Variants in DNAJC17 observed in about 807,000 individuals in gnomAD.
The protein encoded by DNAJC17 is DnaJ heat shock protein family (Hsp40) member C17, also known as dnaJ homolog subfamily C member 17.
Under a neutral mutation model 48.1 loss-of-function variants are expected in DNAJC17, and 35 were observed. That is an observed-to-expected ratio of 0.73 (90% CI 0.56 to 0.96). DNAJC17 has a LOEUF of 0.96. Ranked by LOEUF, DNAJC17 falls within the 50% of genes least tolerant of loss-of-function variation. The pLI is 0.00. For synonymous variants in DNAJC17, 117 were observed against 142.7 expected, an observed-to-expected ratio of 0.82 and a Z score of 1.28; for missense variants, 355 against 377.1, an observed-to-expected ratio of 0.94 and a Z score of 0.48.
rs528428681 is a variant in DNAJC17, at chr15:40,797,994, T to G, written c.78+9375A>C. Among the ~76,000 whole-genome samples the G allele has an allele frequency of 2.0e-5, 3 of 152,234 alleles. No individual in the cohort carries two copies. The South Asian group carries it at 6.2e-4, about 32-fold the overall frequency. On this transcript the variant is annotated intron_variant, in intron 1 of 10. Transcript: ENST00000220496. ...CCCTTGGCCTCCCAAAGTGCTGGGA[T>G]TACAGGTATGAGCCACCACACCTGG...
In DNAJC17 at chr15:40,765,584, T is replaced by C; in HGVS notation, c.*2356A>G. 1 of 328,600 alleles carries C rather than the reference T, an allele frequency of 3.0e-6. No individual in the cohort carries two copies. The highest frequency in any genetic ancestry group is 5.5e-6 in the Non-Finnish European group (1 of 181,524). The allele number at this position is 328,600 out of a possible 1,614,324, so 20.4% of individuals were successfully genotyped here. On this transcript the variant is annotated 3_prime_UTR_variant, in exon 11 of 11. Coordinates refer to ENST00000220496, the MANE Select transcript of DNAJC17 (RefSeq NM_018163.3). ...CTCAGTAGCTGGAACTATAGGCTCG[T>C]GATACTTTGCCTGGCTAAAGCTGAG... is the stretch of plus-strand genomic sequence containing the variant.
chr15:40,802,737 G>A (rs557780160), intron 1 of DNAJC17, among the ~76,000 whole-genome samples: 2 of 152,062 alleles, frequency 1.3e-5, no homozygotes, highest in South Asian at 2.1e-4. Context: ...CACCTTCTCC[G>A]AGCTGCAGTT....
chr15:40,782,834 C>A (rs1385297531), intron 1 of DNAJC17, among the ~76,000 whole-genome samples: 2 of 152,078 alleles, frequency 1.3e-5, no homozygotes, highest in Non-Finnish European at 1.5e-5. Context: ...AGCCAGGGCA[C>A]CTGCCATGGC....
chr15:40,800,129 G>A (rs1368001393), intron 1 of DNAJC17, among the ~76,000 whole-genome samples: 5 of 152,220 alleles, frequency 3.3e-5, no homozygotes, highest in Admixed American at 1.3e-4. Context: ...CTGGAGTGCA[G>A]TGGCACGATT....
intron 10 of DNAJC17, chr15:40,772,309 C>G (rs1198770272): frequency 6.0e-6 from 1 of 167,130 alleles, no homozygotes; most frequent in East Asian, 1.9e-4. Flanking sequence ...CCCCGGGACT[C>G]GCTAAGAGTA....
Position 40,770,918 on chromosome 15 carries a change from C to T in DNAJC17, c.792+2809G>A, listed in dbSNP as rs1596072854. On this transcript the variant is annotated intron_variant, in intron 10 of 10. Coordinates refer to ENST00000220496, the MANE Select transcript of DNAJC17 (RefSeq NM_018163.3). This position sits in a 1 kb window ranked among gnomAD's most constrained non-coding sequence, Gnocchi z 5.0. ...GCTTCCAGAGGACACCTACCCCAGA[C>T]CTCAGTGATCCCTTCCTCTCCTTCA... 6.4e-7 allele frequency: 1 copy of T among 1,551,554 alleles called. No homozygotes were observed. Among genetic ancestry groups the T allele is most frequent in the Non-Finnish European group, 8.7e-7 (1 of 1,147,002 alleles).
chr15:40,766,021 C>G lies in DNAJC17; in HGVS notation c.*1919G>C. 1.9e-6 allele frequency: 1 copy of G among 527,186 alleles called. No individual in the cohort carries two copies. Among genetic ancestry groups the G allele is most frequent in the Non-Finnish European group, 3.3e-6 (1 of 299,784 alleles). 32.7% of individuals were successfully genotyped at this position (527,186 alleles called of 1,614,324 possible). On this transcript the variant is annotated 3_prime_UTR_variant, in exon 11 of 11. Transcript: ENST00000220496. Reference sequence around the variant, plus strand: ...CAAGCCCAGGGACAGGGCCCAGCATCAGAGCCCCCTGCCTGCATCCTGGGG... The same window carrying G: ...CAAGCCCAGGGACAGGGCCCAGCATGAGAGCCCCCTGCCTGCATCCTGGGG...
intron 1 of DNAJC17, among the ~76,000 whole-genome samples, chr15:40,806,899 C>T (rs1890246011): frequency 7.1e-6 from 1 of 139,910 alleles, no homozygotes; most frequent in Non-Finnish European, 1.6e-5. Flanking sequence ...GCAGGGTCAT[C>T]GGTCACATTG....
At chr15:40,792,504 A>G (rs1234713414) in intron 1 of DNAJC17, 2 of 985,304 alleles carry the variant, frequency 2.0e-6, no homozygotes, top group African/African-American at 3.5e-5. Flanking sequence ...AATGAAAGGT[A>G]AGGCTGCTAC....
chr15:40,767,340 C>T lies in DNAJC17; in HGVS notation c.*600G>A. The T allele has an allele frequency of 6.3e-7, 1 of 1,599,720 alleles. No individual in the cohort carries two copies. Among genetic ancestry groups the T allele is most frequent in the Non-Finnish European group, 8.5e-7 (1 of 1,174,258 alleles). On this transcript the variant is annotated 3_prime_UTR_variant, in exon 11 of 11. Coordinates refer to ENST00000220496, the MANE Select transcript of DNAJC17 (RefSeq NM_018163.3). ...GCCAGACGCTGGTGTGGTGTCTGCA[C>T]AAGGAGTGACCTTCTCATGCTGATT...
chr15:40,778,191 TAA>T (rs1051632130), intron 4 of DNAJC17, among the ~76,000 whole-genome samples: 20 of 141,610 alleles, frequency 1.4e-4, no homozygotes, highest in African/African-American at 1.3e-4. Flanking sequence ...CGTCTTTCTT[TAA>T]AAAAAAAAAA....
Position 40,770,639 on chromosome 15 carries a change from C to T in DNAJC17, c.793-2577G>A, listed in dbSNP as rs557357828. 1.7e-3 allele frequency: 2,595 copies of T among 1,550,374 alleles called. 2 individuals carry two copies. The highest frequency in any genetic ancestry group is 3.6e-3 in the Admixed American group (183 of 51,014). On this transcript the variant is annotated intron_variant, in intron 10 of 10. Transcript: ENST00000220496. The surrounding 1 kb of genome is among the most constrained non-coding windows in gnomAD (Gnocchi z 5.0). ...GTGGGGACCACGAGGAGTACAGCAACCGAGAAGTCATCCGGGAGCTACAAG... is the reference window on the plus strand; with the variant it reads ...GTGGGGACCACGAGGAGTACAGCAATCGAGAAGTCATCCGGGAGCTACAAG...
At chr15:40,800,382 A>C (rs1055486475) in intron 1 of DNAJC17, among the ~76,000 whole-genome samples, 1 of 151,820 alleles carries the variant, frequency 6.6e-6, no homozygotes, top group African/African-American at 2.4e-5. Flanking sequence ...CATGGTTTTG[A>C]TCTGCATTTA....
chr15:40,783,981 T>A, intron 1 of DNAJC17, among the ~76,000 whole-genome samples: 1 of 151,294 alleles, frequency 6.6e-6, no homozygotes, highest in East Asian at 2.0e-4. Flanking sequence ...AATCCCAGCA[T>A]TTTGGGAGGC....
chr15:40,786,591 G>A (rs1889649343), intron 1 of DNAJC17, among the ~76,000 whole-genome samples: 1 of 152,202 alleles, frequency 6.6e-6, no homozygotes, highest in Non-Finnish European at 1.5e-5. Flanking sequence ...TTCACTTGCA[G>A]CTTTTCTTCT....
Position 40,775,106 on chromosome 15 carries a change from T to C in DNAJC17, c.525A>G (p.Leu175=), listed in dbSNP as rs1176972965. 1 of 1,614,054 alleles carries C rather than the reference T, an allele frequency of 6.2e-7. No individual in the cohort carries two copies. The highest frequency in any genetic ancestry group is 1.3e-5 in the African/African-American group (1 of 74,924). The stretch of plus-strand genomic sequence containing the variant: ...CATCCTCCTTCTTGCACTTCCATTT[T>C]AGCTGAAAAGAGAGCCTCATGAAAC... ...TEGQGTPKLK[L]KWKCKKEDES... Residue 175 remains leucine, a splice_region_variant and synonymous_variant, in exon 8 of 11, where the codon CTA becomes CTG. Coordinates refer to ENST00000220496, the MANE Select transcript of DNAJC17 (RefSeq NM_018163.3).
chr15:40,770,641 G>A lies in DNAJC17; in HGVS notation c.793-2579C>T, dbSNP rs1889105523. 8.4e-6 allele frequency: 13 copies of A among 1,550,300 alleles called. No individual in the cohort carries two copies. Among genetic ancestry groups the A allele is most frequent in the South Asian group, 1.2e-5 (1 of 84,066 alleles). ...GGGGACCACGAGGAGTACAGCAACC[G>A]AGAAGTCATCCGGGAGCTACAAGGG... On this transcript the variant is annotated intron_variant, in intron 10 of 10. Transcript: ENST00000220496. This position sits in a 1 kb window ranked among gnomAD's most constrained non-coding sequence, Gnocchi z 5.0.
At chr15:40,794,660 C>G (rs1889902901) in intron 1 of DNAJC17, among the ~76,000 whole-genome samples, 1 of 152,086 alleles carries the variant, frequency 6.6e-6, no homozygotes, top group South Asian at 2.1e-4. Context: ...CAAAGCGAGA[C>G]CATCTTTAAA....
intron 10 of DNAJC17, chr15:40,771,059 A>G: frequency 6.5e-7 from 1 of 1,537,208 alleles, no homozygotes; most frequent in Non-Finnish European, 8.8e-7. Context: ...GGTGACTGGA[A>G]GATCCAGAGG....
Sources: gnomAD v4.1 joint callset for allele counts (sites outside exome capture counted in the v4.1 genomes callset) on GRCh38, gnomAD v4.1.1 for gene constraint, Gnocchi (gnomAD v3.1) non-coding constraint, MANE v1.5 for transcripts, NCBI Gene and HGNC (gene_info 2026-07-23, HGNC 2026-07-21) for gene names.